The following AKNAD1 variants were observed in gnomAD, a reference collection of about 807,000 sequenced individuals.
AKNAD1 encodes the protein protein AKNAD1.
In AKNAD1, 67 loss-of-function variants were observed where a neutral mutation model predicts 90.8. The ratio of observed to expected loss-of-function variants is 0.74; its 90% CI spans 0.61 to 0.90. The LOEUF (loss-of-function observed/expected upper bound fraction) is 0.90, where lower values mean the gene tolerates loss of function less well. AKNAD1 is among the 40% of genes least tolerant of loss of function. The probability of loss-of-function intolerance (pLI) is 0.00; values close to 1 mark genes in which losing one functional copy is unlikely to be tolerated. For synonymous variants in AKNAD1, 327 were observed against 341.4 expected (o/e 0.96, Z 0.46); for missense variants, 957 against 975.4 (o/e 0.98, Z 0.25).
intron 7 of AKNAD1, chr1:108,836,724 G>A (rs1480226742): frequency 1.3e-5 from 2 of 152,186 alleles, no homozygotes; most frequent in Non-Finnish European, 2.9e-5. Flanking sequence ...AAACTAAAGA[G>A]TCAATTTAAG....
chr1:108,817,241 G>T, intron 14 of AKNAD1, 64 bp from the exon 15 acceptor site: 1 of 1,595,266 alleles, frequency 6.3e-7, no homozygotes, highest in Non-Finnish European at 8.5e-7. Context: ...TCCTGTTCAC[G>T]TCAGCTCTGT....
intron 11 of AKNAD1, among the ~76,000 whole-genome samples, chr1:108,824,851 T>C (rs1412237671): frequency 6.6e-6 from 1 of 151,652 alleles, no homozygotes; most frequent in Non-Finnish European, 1.5e-5. Flanking sequence ...ACTGACACTC[T>C]TTAAAATGTA....
chr1:108,827,825 AAAG>A (rs1169491072), intron 10 of AKNAD1, among the ~76,000 whole-genome samples: 2 of 151,346 alleles, frequency 1.3e-5, no homozygotes, highest in Admixed American at 1.3e-4. Context: ...AAAAAAAAAA[AAAG>A]AAAATGTATA....
chr1:108,848,775 A>G lies in AKNAD1; in HGVS notation c.1222T>C (p.Tyr408His), dbSNP rs1664773764. 6.2e-7 allele frequency: 1 copy of G among 1,609,624 alleles called. No homozygotes were observed. Among genetic ancestry groups the G allele is most frequent in the Non-Finnish European group, 8.5e-7 (1 of 1,179,086 alleles). ...ACCAGCTTCTTGTCTTGCAAATGGT[A>G]AGGAGAGTCCTGTTTTATTCTTTTG... ...FSKRIKQDSP[Y>H]HLQDKKLVLE... The change falls in exon 5 of 16, where the codon TAC becomes CAC. Residue 408 changes from tyrosine to histidine, a missense_variant. Physicochemically the swap from Tyr to His is moderately conservative, Grantham distance 83. Transcript: ENST00000370001.
intron 6 of AKNAD1, among the ~76,000 whole-genome samples, chr1:108,842,477 CTT>C (rs1664579066): frequency 6.6e-6 from 1 of 152,188 alleles, no homozygotes; most frequent in South Asian, 2.1e-4. Context: ...CAGTTAGAAA[CTT>C]CAGTTTGGAG....
At chr1:108,830,270 T>C (rs1005122136) in intron 10 of AKNAD1, among the ~76,000 whole-genome samples, 4 of 152,126 alleles carry the variant, frequency 2.6e-5, no homozygotes, top group Non-Finnish European at 5.9e-5. Flanking sequence ...TTAAAAGCAA[T>C]ATTCCTACCA....
chr1:108,834,622 T>C (rs1005975056), intron 8 of AKNAD1, 94 bp from the exon 9 acceptor site: 78 of 1,274,602 alleles, frequency 6.1e-5, no homozygotes, highest in Non-Finnish European at 8.5e-5. Flanking sequence ...GCATCACCCC[T>C]GGGATGGTGG....
At chr1:108,822,739 AT>A (rs1663857347) in intron 13 of AKNAD1, among the ~76,000 whole-genome samples, 1 of 151,988 alleles carries the variant, frequency 6.6e-6, no homozygotes, top group African/African-American at 2.4e-5. Context: ...AACTAGGAGT[AT>A]TTCCTTCCCT....
At chr1:108,840,789 A>ATT (rs1664531153) in intron 6 of AKNAD1, among the ~76,000 whole-genome samples, 1 of 152,194 alleles carries the variant, frequency 6.6e-6, no homozygotes, top group Admixed American at 6.5e-5. Context: ...AAAAAAACAA[A>ATT]GTGATAATTG....
chr1:108,848,671 A>G (rs1664771357), intron 5 of AKNAD1, 81 bp downstream of exon 5: 1 of 1,281,490 alleles, frequency 7.8e-7, no homozygotes, highest in East Asian at 2.3e-5. Context: ...TGTAGAGAAA[A>G]CATGGCACTA....
rs373613182 is a variant in AKNAD1, at chr1:108,845,727, G to A, written c.1246-2460C>T. On this transcript the variant is annotated intron_variant, in intron 5 of 15. Transcript: ENST00000370001. ...GAATGTGGTAGACCTGACTAAACTG[G>A]GGAATTTGGAAAGGCTAACAGGCTC... Among the ~76,000 whole-genome samples, 10 of 152,158 alleles carry A rather than the reference G, an allele frequency of 6.6e-5. 1 individual carries two copies. Among genetic ancestry groups the A allele is most frequent in the Admixed American group, 5.2e-4 (8 of 15,282 alleles).
chr1:108,832,838 G>T (rs554477203), intron 9 of AKNAD1, among the ~76,000 whole-genome samples: 96 of 152,228 alleles, frequency 6.3e-4, no homozygotes, highest in Non-Finnish European at 1.0e-3. Context: ...AAATGTCTGG[G>T]GTAGGCTCAA....
At chr1:108,821,662 A>C (rs1231388617) in intron 13 of AKNAD1, among the ~76,000 whole-genome samples, 1 of 152,184 alleles carries the variant, frequency 6.6e-6, no homozygotes, top group Non-Finnish European at 1.5e-5. Flanking sequence ...AGATTCTAGG[A>C]GTAGAAATTA....
chr1:108,827,813 CAAAAA>C (rs11369356), intron 10 of AKNAD1, among the ~76,000 whole-genome samples: 5,017 of 115,124 alleles, frequency 0.044, 343 homozygotes, highest in African/African-American at 0.15. Flanking sequence ...GACTCCTACT[CAAAAA>C]AAAAAAAAAG....
chr1:108,825,964 A>G (rs992406106), intron 11 of AKNAD1, among the ~76,000 whole-genome samples: 19 of 151,856 alleles, frequency 1.3e-4, no homozygotes, highest in African/African-American at 4.6e-4. Context: ...ACTGGATTCC[A>G]TAACTGCATC....
At chr1:108,835,414 C>T (rs1664351788) in intron 7 of AKNAD1, among the ~76,000 whole-genome samples, 1 of 152,084 alleles carries the variant, frequency 6.6e-6, no homozygotes, top group Non-Finnish European at 1.5e-5. Context: ...ATTTAAACAT[C>T]ATAACAGCCC....
At chr1:108,829,238 T>G (rs1278997882) in intron 10 of AKNAD1, among the ~76,000 whole-genome samples, 1 of 151,676 alleles carries the variant, frequency 6.6e-6, no homozygotes, top group Non-Finnish European at 1.5e-5. Context: ...TGAGATTTGA[T>G]TTTACACTTG....
intron 1 of AKNAD1, among the ~76,000 whole-genome samples, chr1:108,856,701 G>GTCTC (rs369506733): frequency 7.1e-6 from 1 of 140,930 alleles, no homozygotes; most frequent in Non-Finnish European, 1.6e-5. Flanking sequence ...GCAAGACCCT[G>GTCTC]TCTCTCTCTC....
At chr1:108,849,632 C>T (rs1010481020) in intron 2 of AKNAD1, 56 bp from the exon 3 acceptor site, 13 of 1,239,846 alleles carry the variant, frequency 1.0e-5, no homozygotes, top group Middle Eastern at 3.8e-4. Flanking sequence ...ATGACACCAC[C>T]GTTCAGAATG....
Sources: gnomAD v4.1 joint callset for allele counts (sites outside exome capture counted in the v4.1 genomes callset) on GRCh38, gnomAD v4.1.1 for gene constraint, MANE v1.5 for transcripts, NCBI Gene and HGNC (gene_info 2026-07-23, HGNC 2026-07-21) for gene names.